MAGI1: variants seen among roughly 807,000 people sequenced by gnomAD.
The protein encoded by MAGI1 is membrane associated guanylate kinase, WW and PDZ domain containing 1, also known as membrane-associated guanylate kinase, WW and PDZ domain-containing protein 1.
Under a neutral mutation model 139.9 loss-of-function variants are expected in MAGI1, and 58 were observed. The observed-to-expected ratio is 0.41, with a 90% CI of 0.34 to 0.52. The LOEUF is 0.52. MAGI1 is among the 20% of genes least tolerant of loss of function. The pLI is 0.12. For missense variants in MAGI1, 1,874 were observed against 1,901.6 expected (o/e 0.99, Z 0.27); for synonymous variants, 812 against 737.9 (o/e 1.10, Z -1.63).
chr3:65,396,193 G>A (rs767414681), intron 13 of MAGI1, among the ~76,000 whole-genome samples: 3 of 152,166 alleles, frequency 2.0e-5, no homozygotes, highest in Non-Finnish European at 2.9e-5. Context: ...GTGAGTAACT[G>A]GTTGAGAAGG....
chr3:65,620,061 C>A, intron 2 of MAGI1: 1 of 890,556 alleles, frequency 1.1e-6, no homozygotes, highest in Non-Finnish European at 1.3e-6. Context: ...CAGTCAGGTC[C>A]AATAAATCAG....
chr3:65,611,290 C>G (rs2083088477), intron 2 of MAGI1, among the ~76,000 whole-genome samples: 1 of 139,484 alleles, frequency 7.2e-6, no homozygotes, highest in East Asian at 2.1e-4. Context: ...GTATAGTATA[C>G]TATGTGTATA....
rs551679139 is a variant in MAGI1 at position 65,634,450 on chromosome 3, G to A, written c.314-12362C>T. On this transcript the variant is annotated intron_variant, in intron 1 of 22. Coordinates refer to ENST00000402939, the MANE Select transcript of MAGI1 (RefSeq NM_001033057.2). Reference sequence around the variant, plus strand: ...AGTGTGTTTCTTTCAGTAGTATATGGTTAAGAGTGCTGAACTTCAAGCGAG... The same window carrying A: ...AGTGTGTTTCTTTCAGTAGTATATGATTAAGAGTGCTGAACTTCAAGCGAG... 1.2e-4 allele frequency among the ~76,000 whole-genome samples: 18 copies of A among 152,300 alleles called. No homozygotes were observed. In the East Asian group the frequency reaches 3.3e-3, roughly 28 times the overall value.
chr3:65,402,578 G>C (rs1303074117), intron 12 of MAGI1, among the ~76,000 whole-genome samples: 2 of 152,174 alleles, frequency 1.3e-5, no homozygotes, highest in Non-Finnish European at 2.9e-5. Flanking sequence ...AGAGATGCTT[G>C]GGATCTGGTG....
chr3:65,802,848 CTGTGTG>C (rs55814110), intron 1 of MAGI1, among the ~76,000 whole-genome samples: 1,457 of 138,208 alleles, frequency 0.011, 12 homozygotes, highest in African/African-American at 0.029. Context: ...ATCATCTCAT[CTGTGTG>C]TGTGTGTGTG....
chr3:65,584,127 A>T (rs955503175), intron 2 of MAGI1, among the ~76,000 whole-genome samples: 1 of 150,892 alleles, frequency 6.6e-6, no homozygotes, highest in Non-Finnish European at 1.5e-5. Context: ...CTTAAAGTGA[A>T]TTTTTTTCCT....
intron 1 of MAGI1, among the ~76,000 whole-genome samples, chr3:65,633,289 C>T (rs558563911): frequency 1.3e-5 from 2 of 152,254 alleles, no homozygotes; most frequent in Admixed American, 6.5e-5. Flanking sequence ...AACACACATG[C>T]AGAGATGGAA....
At chr3:65,824,366 G>C (rs1415531421) in intron 1 of MAGI1, among the ~76,000 whole-genome samples, 1 of 152,152 alleles carries the variant, frequency 6.6e-6, no homozygotes, top group Non-Finnish European at 1.5e-5. Flanking sequence ...GTGGCCAAGA[G>C]TGATTCACAA....
At chr3:65,905,116 T>C (rs2061384444) in intron 1 of MAGI1, among the ~76,000 whole-genome samples, 1 of 152,204 alleles carries the variant, frequency 6.6e-6, no homozygotes, top group African/African-American at 2.4e-5. Context: ...ATCCCCAAGA[T>C]TCTGATTTAA....
At chr3:65,922,082 C>T (rs953488875) in intron 1 of MAGI1, among the ~76,000 whole-genome samples, 7 of 152,156 alleles carry the variant, frequency 4.6e-5, no homozygotes, top group African/African-American at 9.7e-5. Context: ...ATCTCCATCA[C>T]TCATTTAACC....
chr3:65,468,867 T>C lies in MAGI1; in HGVS notation c.959+1416A>G, dbSNP rs190219406. Among the ~76,000 whole-genome samples, 97 of 151,728 alleles carry C rather than the reference T, an allele frequency of 6.4e-4. 3 individuals carry two copies. Among genetic ancestry groups the C allele is most frequent in the Non-Finnish European group, 6.9e-4 (47 of 67,968 alleles). On this transcript the variant is annotated intron_variant, in intron 5 of 22. Transcript: ENST00000402939. ...AGGAGGATCACTTAAGCCTGGGAGA[T>C]AGAGGCTGCAGTGAGCTATGATCAT...
At chr3:65,360,808 T>C (rs186686841) in intron 22 of MAGI1, 91 of 1,046,912 alleles carry the variant, frequency 8.7e-5, no homozygotes, top group Non-Finnish European at 7.9e-5. Flanking sequence ...TAATTGTGCC[T>C]CAACATATCA....
chr3:65,479,286 C>T (rs1035817983), intron 3 of MAGI1, among the ~76,000 whole-genome samples: 2 of 152,118 alleles, frequency 1.3e-5, no homozygotes, highest in Non-Finnish European at 2.9e-5. Flanking sequence ...GGACAGTAAA[C>T]CCCACGTGGC....
chr3:65,484,215 G>C (rs1207705936), intron 3 of MAGI1, among the ~76,000 whole-genome samples: 1 of 152,150 alleles, frequency 6.6e-6, no homozygotes, highest in Non-Finnish European at 1.5e-5. Context: ...ATTTGGGACA[G>C]AGAAAATCAT....
intron 1 of MAGI1, among the ~76,000 whole-genome samples, chr3:65,911,416 C>T (rs1158604957): frequency 1.3e-5 from 2 of 152,040 alleles, no homozygotes; most frequent in African/African-American, 2.4e-5. Context: ...CCCAGAGCTG[C>T]CCAGCGTCCA....
At chr3:65,530,836 TATAC>T (rs1559643292) in intron 2 of MAGI1, among the ~76,000 whole-genome samples, 2 of 90,820 alleles carry the variant, frequency 2.2e-5, no homozygotes, top group Admixed American at 1.2e-4. Context: ...TATATATATA[TATAC>T]ACACACACAC....
chr3:65,931,105 T>C (rs1048587627), intron 1 of MAGI1, among the ~76,000 whole-genome samples: 1 of 151,756 alleles, frequency 6.6e-6, no homozygotes, highest in African/African-American at 2.4e-5. Context: ...CAGTCTTGGT[T>C]CACTGCAACC....
intron 2 of MAGI1, among the ~76,000 whole-genome samples, chr3:65,611,967 T>G (rs2083147933): frequency 2.0e-5 from 3 of 151,980 alleles, no homozygotes; most frequent in Admixed American, 2.0e-4. Flanking sequence ...TGAAAACACT[T>G]AGCATAAACT....
At chr3:65,936,663 G>A (rs2063068958) in intron 1 of MAGI1, among the ~76,000 whole-genome samples, 1 of 151,958 alleles carries the variant, frequency 6.6e-6, no homozygotes, top group African/African-American at 2.4e-5. Context: ...ATTTTAATAT[G>A]TTAGTTATAG....
Sources: allele counts gnomAD v4.1 joint callset (sites outside exome capture counted in the v4.1 genomes callset), GRCh38; gene constraint gnomAD v4.1.1; transcripts MANE v1.5; gene names NCBI Gene and HGNC (gene_info 2026-07-23, HGNC 2026-07-21).